The following CHSY1 variants were observed in gnomAD, a reference collection of about 807,000 sequenced individuals.
The protein encoded by CHSY1 is N-acetylgalactosaminyl-proteoglycan 3-beta-glucuronosyltransferase 1.
Under a neutral mutation model 59.8 loss-of-function variants are expected in CHSY1, and 13 were observed. That is an observed-to-expected ratio of 0.22 (90% CI 0.14 to 0.35). The LOEUF is 0.35. Ranked by LOEUF, CHSY1 falls within the 10% of genes least tolerant of loss-of-function variation. The pLI is 1.00. For missense variants in CHSY1, 947 were observed against 1,030.6 expected, an observed-to-expected ratio of 0.92 and a Z score of 1.11; for synonymous variants, 459 against 401.2, an observed-to-expected ratio of 1.14 and a Z score of -1.72.
chr15:101,225,317 C>T (rs1381226170), intron 2 of CHSY1, among the ~76,000 whole-genome samples: 1 of 152,200 alleles, frequency 6.6e-6, no homozygotes, highest in Admixed American at 6.5e-5. Context: ...ATTCTCCCAC[C>T]TTGGTGCTGC....
intron 2 of CHSY1, among the ~76,000 whole-genome samples, chr15:101,223,394 C>T (rs1360904965): frequency 6.6e-6 from 1 of 152,258 alleles, no homozygotes; most frequent in Non-Finnish European, 1.5e-5. Flanking sequence ...AACCAGACCA[C>T]ATGAACATGT....
At chr15:101,250,607 C>A (rs920774109) in intron 1 of CHSY1, among the ~76,000 whole-genome samples, 1 of 152,232 alleles carries the variant, frequency 6.6e-6, no homozygotes, top group African/African-American at 2.4e-5. Flanking sequence ...CTGGTGTGGT[C>A]CAATATGCTG....
intron 1 of CHSY1, among the ~76,000 whole-genome samples, chr15:101,246,419 G>C (rs1293235428): frequency 6.7e-6 from 1 of 149,496 alleles, no homozygotes; most frequent in East Asian, 1.9e-4. Context: ...AACTCTCTCA[G>C]CAAGAAAAGG....
Position 101,176,368 on chromosome 15 carries a change from G to T in CHSY1, c.*1020C>A. 1 of 398,578 alleles carries T rather than the reference G, an allele frequency of 2.5e-6. No individual in the cohort carries two copies. Among genetic ancestry groups the T allele is most frequent in the Non-Finnish European group, 4.4e-6 (1 of 226,056 alleles). The allele number at this position is 398,578 out of a possible 1,614,324, so 24.7% of individuals were successfully genotyped here. On this transcript the variant is annotated 3_prime_UTR_variant, in exon 3 of 3. Coordinates refer to ENST00000254190, the MANE Select transcript of CHSY1 (RefSeq NM_014918.5). ...TTTTCCCCAACGTTTTGATTAGGGT[G>T]TATGTGTGTATGTTTCAGTCTGTGT... is the stretch of plus-strand genomic sequence containing the variant.
chr15:101,227,092 A>G (rs2141270397), intron 2 of CHSY1, among the ~76,000 whole-genome samples: 1 of 152,330 alleles, frequency 6.6e-6, no homozygotes, highest in Middle Eastern at 3.4e-3. Flanking sequence ...GTATTTATGC[A>G]AGAAAAAGAC....
chr15:101,199,847 T>G (rs1425868450), intron 2 of CHSY1, among the ~76,000 whole-genome samples: 1 of 152,174 alleles, frequency 6.6e-6, no homozygotes, highest in East Asian at 1.9e-4. Context: ...AAAACAGACA[T>G]AGCACTCCCC....
chr15:101,178,369 A>C lies in CHSY1; in HGVS notation c.1428T>G (p.Thr476=). 1 of 1,608,718 alleles carries C rather than the reference A, an allele frequency of 6.2e-7. No homozygotes were observed. The highest frequency in any genetic ancestry group is 8.5e-7 in the Non-Finnish European group (1 of 1,175,642). Residue 476 remains threonine, a synonymous_variant, in exon 3 of 3, where the codon ACT becomes ACG. Transcript: ENST00000254190. The part of the protein sequence containing the change: ...PVRRHAYLQQ[T]FSKIQFVEHE... The stretch of plus-strand genomic sequence containing the variant: ...GCTCCACAAACTGGATTTTGCTGAA[A>C]GTCTGCTGTAAATACGCGTGCCTCC...
chr15:101,227,027 G>A (rs2038848134), intron 2 of CHSY1, among the ~76,000 whole-genome samples: 1 of 152,180 alleles, frequency 6.6e-6, no homozygotes, highest in Admixed American at 6.5e-5. Flanking sequence ...ACAAAAATGG[G>A]CAGAGGCAGC....
At chr15:101,234,093 G>GA (rs2038916718) in intron 2 of CHSY1, among the ~76,000 whole-genome samples, 1 of 152,136 alleles carries the variant, frequency 6.6e-6, no homozygotes, top group African/African-American at 2.4e-5. Flanking sequence ...AACAACACAG[G>GA]AAAGTCCAAA....
intron 1 of CHSY1, among the ~76,000 whole-genome samples, chr15:101,244,440 G>A (rs967551032): frequency 1.3e-5 from 2 of 152,202 alleles, no homozygotes; most frequent in Non-Finnish European, 2.9e-5. Flanking sequence ...CTGCAGCTCT[G>A]TGCCTAGCGG....
chr15:101,244,262 G>A (rs1342565410), intron 1 of CHSY1, among the ~76,000 whole-genome samples: 2 of 152,100 alleles, frequency 1.3e-5, no homozygotes, highest in African/African-American at 4.8e-5. Context: ...AAAAGCTGAG[G>A]CCCCTGCACT....
chr15:101,218,593 A>G (rs2038758287), intron 2 of CHSY1, among the ~76,000 whole-genome samples: 1 of 152,182 alleles, frequency 6.6e-6, no homozygotes, highest in Admixed American at 6.5e-5. Context: ...CCAGCAGTGC[A>G]TAAATAAAAC....
Position 101,251,332 on chromosome 15 carries a change from C to T in CHSY1, c.125G>A (p.Arg42His), listed in dbSNP as rs1253653693. ...GGACCGGCAGCCCTCGGGGCTGGCG[C>T]GGCGCCGTGGGCCCGCTCGCTTCAG... ...SELKRAGPRR[R>H]ASPEGCRSGQ... is the part of the protein sequence containing the mutation. Residue 42 changes from arginine (R) to histidine (H), a missense_variant, in exon 1 of 3, where the codon CGC becomes CAC. Around this residue, in one of 4 missense-constraint regions of CHSY1, gnomAD observed 232 missense variants for 188.5 expected, o/e 1.23. Transcript: ENST00000254190. The T allele has an allele frequency of 2.7e-6, 3 of 1,129,416 alleles. No individual in the cohort carries two copies. Among genetic ancestry groups the T allele is most frequent in the Non-Finnish European group, 3.3e-6 (3 of 912,078 alleles). 70.0% of individuals were successfully genotyped at this position (1,129,416 alleles called of 1,614,324 possible).
chr15:101,197,196 C>T (rs899584847), intron 2 of CHSY1, among the ~76,000 whole-genome samples: 1 of 152,148 alleles, frequency 6.6e-6, no homozygotes, highest in Non-Finnish European at 1.5e-5. Flanking sequence ...AGGCCAGCCC[C>T]AACGGGTGGA....
chr15:101,228,048 G>A (rs538718625), intron 2 of CHSY1, among the ~76,000 whole-genome samples: 59 of 151,990 alleles, frequency 3.9e-4, no homozygotes, highest in Admixed American at 1.9e-3. Context: ...ATACAAAGGC[G>A]GAAAAAGCAG....
At chr15:101,241,008 T>C (rs1405713524) in intron 1 of CHSY1, among the ~76,000 whole-genome samples, 1 of 152,230 alleles carries the variant, frequency 6.6e-6, no homozygotes, top group Non-Finnish European at 1.5e-5. Flanking sequence ...CAAAAGTACA[T>C]ATACAAAAAT....
intron 1 of CHSY1, among the ~76,000 whole-genome samples, chr15:101,249,563 G>C (rs2039086463): frequency 7.1e-6 from 1 of 141,420 alleles, no homozygotes; most frequent in African/African-American, 2.7e-5. Flanking sequence ...GCCCAGGCTG[G>C]AGTGCAGTGG....
chr15:101,184,682 G>T (rs2038330331), intron 2 of CHSY1, among the ~76,000 whole-genome samples: 1 of 152,046 alleles, frequency 6.6e-6, no homozygotes, highest in Non-Finnish European at 1.5e-5. Context: ...GAAATCTGTT[G>T]TAAGATAAAA....
intron 2 of CHSY1, among the ~76,000 whole-genome samples, chr15:101,190,836 GTCA>G (rs1428564930): frequency 6.6e-6 from 1 of 152,154 alleles, no homozygotes; most frequent in African/African-American, 2.4e-5. Context: ...GCATGTGAAA[GTCA>G]TCATATGTCA....
Sources: gnomAD v4.1 joint callset for allele counts (sites outside exome capture counted in the v4.1 genomes callset) on GRCh38, gnomAD v4.1.1 for gene constraint, gnomAD v4.1.1 regional missense constraint, MANE v1.5 for transcripts, NCBI Gene and HGNC (gene_info 2026-07-23, HGNC 2026-07-21) for gene names.